GABRB1: variants seen among roughly 807,000 people sequenced by gnomAD.
GABRB1 encodes gamma-aminobutyric acid receptor subunit beta-1.
In GABRB1, 17 loss-of-function variants were observed where a neutral mutation model predicts 51.6. That is an observed-to-expected ratio of 0.33 (90% CI 0.23 to 0.49). GABRB1 has a LOEUF of 0.49. Among genes scored for constraint, GABRB1 ranks in the 20% least tolerant of loss-of-function variants. The probability of loss-of-function intolerance (pLI) is 0.99; values close to 1 mark genes in which losing one functional copy is unlikely to be tolerated. For synonymous variants in GABRB1, 247 were observed against 218.9 expected, an observed-to-expected ratio of 1.13 and a Z score of -1.14; for missense variants, 410 against 600.6, an observed-to-expected ratio of 0.68 and a Z score of 3.32.
intron 4 of GABRB1, among the ~76,000 whole-genome samples, chr4:47,195,408 A>C (rs1719617250): frequency 9.7e-5 from 7 of 72,014 alleles, no homozygotes; most frequent in Non-Finnish European, 1.5e-4. Context: ...AGATAGATAG[A>C]TAGATAGATA....
At chr4:47,070,867 A>G (rs1490968269) in intron 3 of GABRB1, among the ~76,000 whole-genome samples, 2 of 152,166 alleles carry the variant, frequency 1.3e-5, no homozygotes, top group Non-Finnish European at 2.9e-5. Context: ...CACTCTAAGG[A>G]CTTTCTAAAT....
chr4:47,187,581 T>G (rs1191369464), intron 4 of GABRB1, among the ~76,000 whole-genome samples: 1 of 151,850 alleles, frequency 6.6e-6, no homozygotes, highest in Non-Finnish European at 1.5e-5. Flanking sequence ...TGAAATTATA[T>G]GGATCCTCCC....
intron 3 of GABRB1, among the ~76,000 whole-genome samples, chr4:47,112,708 T>C (rs1035666923): frequency 3.9e-5 from 6 of 152,118 alleles, no homozygotes; most frequent in African/African-American, 1.4e-4. Context: ...TGAATCTTTA[T>C]TAAGTGCCTA....
intron 4 of GABRB1, among the ~76,000 whole-genome samples, chr4:47,286,772 T>C (rs1723526022): frequency 6.6e-6 from 1 of 152,112 alleles, no homozygotes; most frequent in Non-Finnish European, 1.5e-5. Context: ...GACAATAAAT[T>C]AATAACATGT....
chr4:47,221,643 TTAGCAAA>T (rs1364404668), intron 4 of GABRB1, among the ~76,000 whole-genome samples: 2 of 151,984 alleles, frequency 1.3e-5, no homozygotes, highest in East Asian at 3.9e-4. Context: ...AACCACTGAA[TTAGCAAA>T]TACTGAACTA....
intron 4 of GABRB1, among the ~76,000 whole-genome samples, chr4:47,221,664 C>T (rs906990197): frequency 1.3e-5 from 2 of 151,896 alleles, no homozygotes; most frequent in African/African-American, 4.8e-5. Flanking sequence ...TGAACTATTG[C>T]TCTTAGAAAA....
At chr4:47,310,528 A>C (rs139448462) in intron 4 of GABRB1, among the ~76,000 whole-genome samples, 5 of 152,338 alleles carry the variant, frequency 3.3e-5, no homozygotes, top group African/African-American at 9.6e-5. Context: ...CTCATGGAAG[A>C]AATGTTACTG....
At chr4:47,039,100 A>G (rs1360056114) in intron 3 of GABRB1, among the ~76,000 whole-genome samples, 1 of 152,002 alleles carries the variant, frequency 6.6e-6, no homozygotes, top group Non-Finnish European at 1.5e-5. Context: ...TTTACGATTA[A>G]TTCATATCAG....
chr4:47,241,589 G>A (rs1234603078), intron 4 of GABRB1, among the ~76,000 whole-genome samples: 1 of 152,036 alleles, frequency 6.6e-6, no homozygotes, highest in African/African-American at 2.4e-5. Context: ...CTTATCTTCT[G>A]ATACATGCTG....
intron 4 of GABRB1, among the ~76,000 whole-genome samples, chr4:47,318,059 G>A (rs116556271): frequency 0.015 from 2,262 of 152,006 alleles, 46 homozygotes; most frequent in African/African-American, 0.051. Context: ...AATATTTTGT[G>A]ACTAAAAATT....
At chr4:47,007,681 C>T (rs576938118) in intron 1 of GABRB1, among the ~76,000 whole-genome samples, 1 of 151,914 alleles carries the variant, frequency 6.6e-6, no homozygotes, top group East Asian at 1.9e-4. Flanking sequence ...TGTTCTCTGA[C>T]CATTGTGAAA....
chr4:47,079,233 A>T (rs1047834738), intron 3 of GABRB1, among the ~76,000 whole-genome samples: 1 of 151,644 alleles, frequency 6.6e-6, no homozygotes, highest in African/African-American at 2.4e-5. Context: ...ATGTGAATCC[A>T]TCTGGTCCTG....
intron 5 of GABRB1, among the ~76,000 whole-genome samples, chr4:47,321,955 A>G (rs185109314): frequency 6.6e-6 from 1 of 152,326 alleles, no homozygotes; most frequent in Admixed American, 6.5e-5. Flanking sequence ...CCCAAAATGC[A>G]TATTTTATTT....
intron 4 of GABRB1, among the ~76,000 whole-genome samples, chr4:47,243,779 T>G (rs1721630105): frequency 6.6e-6 from 1 of 152,216 alleles, no homozygotes; most frequent in Non-Finnish European, 1.5e-5. Flanking sequence ...TAAGGAGATT[T>G]TGGGCTGAGA....
intron 3 of GABRB1, among the ~76,000 whole-genome samples, chr4:47,139,999 C>T (rs1415254221): frequency 1.3e-5 from 2 of 151,422 alleles, no homozygotes; most frequent in Non-Finnish European, 2.9e-5. Context: ...AGGACAGCAG[C>T]GGTAAGAATA....
chr4:47,287,914 A>G (rs1723570847), intron 4 of GABRB1, among the ~76,000 whole-genome samples: 1 of 152,192 alleles, frequency 6.6e-6, no homozygotes, highest in East Asian at 1.9e-4. Context: ...ACAACCTTGT[A>G]AATGAGCTTG....
At position 47,273,724 on chromosome 4, in the gene GABRB1, GA is replaced by G. The variant is rs1326476560; in HGVS notation, c.462-46397del. Among the ~76,000 whole-genome samples, 8 of 152,004 alleles carry G rather than the reference GA, an allele frequency of 5.3e-5. 1 individual carries two copies. Among genetic ancestry groups the G allele is most frequent in the African/African-American group, 1.9e-4 (8 of 41,466 alleles). ...AGAAAGAAAAGAGAGTCACACAATT[GA>G]AAAAATTATTACACAGGAGAACACA... is the stretch of plus-strand genomic sequence containing the variant. On this transcript the variant is annotated intron_variant, in intron 4 of 8. Coordinates refer to ENST00000295454, the MANE Select transcript of GABRB1 (RefSeq NM_000812.4).
chr4:47,143,884 C>T (rs116618255), intron 3 of GABRB1, among the ~76,000 whole-genome samples: 198 of 151,970 alleles, frequency 1.3e-3, no homozygotes, highest in African/African-American at 4.6e-3. Flanking sequence ...TTTCTGGAAT[C>T]TCACTGAGAA....
At chr4:47,300,847 C>T (rs1353749191) in intron 4 of GABRB1, among the ~76,000 whole-genome samples, 6 of 152,136 alleles carry the variant, frequency 3.9e-5, no homozygotes, top group Admixed American at 3.9e-4. Context: ...GATTTAAGCT[C>T]AAAATGGACA....
Sources: allele counts gnomAD v4.1 joint callset (sites outside exome capture counted in the v4.1 genomes callset), GRCh38; gene constraint gnomAD v4.1.1; transcripts MANE v1.5; gene names NCBI Gene and HGNC (gene_info 2026-07-23, HGNC 2026-07-21).